The following SNUPN variants were observed in gnomAD, a reference collection of about 807,000 sequenced individuals.
The protein encoded by SNUPN is snurportin 1.
In SNUPN, 31 loss-of-function variants were observed where a neutral mutation model predicts 39.2. The observed-to-expected ratio is 0.79, with a 90% CI of 0.59 to 1.07. The LOEUF (loss-of-function observed/expected upper bound fraction) is 1.07, where lower values mean the gene tolerates loss of function less well. Among genes scored for constraint, SNUPN ranks in the 50% least tolerant of loss-of-function variants. The pLI, the probability that SNUPN is intolerant of heterozygous loss-of-function variation, is 0.00. For synonymous variants in SNUPN, 132 were observed against 159.0 expected (o/e 0.83, Z 1.28); for missense variants, 382 against 434.2 (o/e 0.88, Z 1.07).
chr15:75,609,865 G>T, intron 4 of SNUPN, 25 bp downstream of exon 4: 1 of 1,538,860 alleles, frequency 6.5e-7, no homozygotes, highest in Non-Finnish European at 9.0e-7. Flanking sequence ...AGGCCTACTG[G>T]CATAGGGGGC....
intron 2 of SNUPN, among the ~76,000 whole-genome samples, chr15:75,620,605 A>G (rs1297702318): frequency 6.6e-6 from 1 of 152,126 alleles, no homozygotes; most frequent in East Asian, 1.9e-4. Flanking sequence ...AAGTTCCTAA[A>G]CCACAGAGCT....
Position 75,620,917 on chromosome 15 carries a change from C to T in SNUPN, c.135G>A (p.Arg45=). The change falls in exon 2 of 9, where the codon CGG becomes CGA. Residue 45 remains arginine (R), a synonymous_variant. Coordinates refer to ENST00000308588, the MANE Select transcript of SNUPN (RefSeq NM_005701.4). ...ACGATTTCTGCAGTTCCAGTAACCT[C>T]CGGCGGCGCTCACTCTGCTCCAAGG... ...YSSLEQSERR[R]RLLELQKSKR... The T allele has an allele frequency of 6.2e-7, 1 of 1,613,518 alleles. No homozygotes were observed. Among genetic ancestry groups the T allele is most frequent in the Non-Finnish European group, 8.5e-7 (1 of 1,179,888 alleles).
chr15:75,625,543 C>G (rs1893204589), intron 1 of SNUPN, 123 bp downstream of exon 1: 1 of 152,292 alleles, frequency 6.6e-6, no homozygotes, highest in African/African-American at 2.4e-5. Context: ...CCAGGCCTGG[C>G]TCTATCCCTC....
intron 7 of SNUPN, among the ~76,000 whole-genome samples, chr15:75,602,662 G>A (rs1025843365): frequency 2.0e-5 from 3 of 151,948 alleles, no homozygotes; most frequent in Admixed American, 1.3e-4. Flanking sequence ...CTGGAGTGCA[G>A]TGGCACAATC....
chr15:75,603,944 G>A (rs1041808313), intron 7 of SNUPN, among the ~76,000 whole-genome samples: 6 of 152,080 alleles, frequency 3.9e-5, no homozygotes, highest in Admixed American at 3.3e-4. Flanking sequence ...CTTCCCATCT[G>A]TAAAATGGGA....
chr15:75,601,124 A>G lies in SNUPN; in HGVS notation c.759+14T>C, dbSNP rs759192455. ...ATCATCATGTCAAGGCAATAAAGAC[A>G]ATGGTTTCGTTACCTCAAAAGGGAA... On this transcript the variant is annotated intron_variant, in intron 8 of 8. Transcript: ENST00000308588. 1 of 1,592,370 alleles carries G rather than the reference A, an allele frequency of 6.3e-7. No individual in the cohort carries two copies. The highest frequency in any genetic ancestry group is 8.6e-7 in the Non-Finnish European group (1 of 1,160,302).
chr15:75,606,753 C>A (rs1002536791), intron 6 of SNUPN, among the ~76,000 whole-genome samples: 3 of 152,132 alleles, frequency 2.0e-5, no homozygotes, highest in African/African-American at 7.2e-5. Flanking sequence ...GGAGGCCCTG[C>A]CATTTTCAGG....
Position 75,598,162 on chromosome 15 carries a change from G to A in SNUPN, c.*196C>T, listed in dbSNP as rs573150027. On this transcript the variant is annotated 3_prime_UTR_variant, in exon 9 of 9. Transcript: ENST00000308588. ...CAGTAGGAGCTGCTCAAATCAATCT[G>A]AATGCTACGCAATCTGGGAACCTCC... The A allele has an allele frequency of 1.8e-5, 10 of 560,768 alleles. No individual in the cohort carries two copies. The East Asian group carries it at 2.8e-4, about 16-fold the overall frequency. 34.7% of individuals were successfully genotyped at this position (560,768 alleles called of 1,614,324 possible).
chr15:75,619,299 AG>A (rs1893011431), intron 2 of SNUPN, among the ~76,000 whole-genome samples: 3 of 151,604 alleles, frequency 2.0e-5, no homozygotes, highest in African/African-American at 2.4e-5. Context: ...AAAAAAAAAA[AG>A]CTTTTGTACA....
chr15:75,619,660 T>C (rs991227240), intron 2 of SNUPN, among the ~76,000 whole-genome samples: 11 of 152,030 alleles, frequency 7.2e-5, no homozygotes, highest in African/African-American at 2.7e-4. Flanking sequence ...TTTGGAAGGA[T>C]ACACCAGAAA....
rs1239980888 is a variant in SNUPN at position 75,607,247 on chromosome 15, C to T, written c.569G>A (p.Cys190Tyr). ...ATCATAAAAAGGGTGTCCCCGCCAG[C>T]ACATCACATCCAGAACGTAGTAGGT... ...NQTYYVLDVM[C>Y]WRGHPFYDCQ... is the part of the protein sequence containing the mutation. The change falls in exon 6 of 9, where the codon TGC becomes TAC. Residue 190 changes from cysteine to tyrosine, a missense_variant. Physicochemically the swap from Cys to Tyr is radical, Grantham distance 194. Transcript: ENST00000308588. 2 of 1,613,764 alleles carry T rather than the reference C, an allele frequency of 1.2e-6. No individual in the cohort carries two copies. Among genetic ancestry groups the T allele is most frequent in the East Asian group, 2.2e-5 (1 of 44,876 alleles).
chr15:75,614,681 G>A (rs1444192775), intron 3 of SNUPN, among the ~76,000 whole-genome samples: 28 of 151,998 alleles, frequency 1.8e-4, no homozygotes, highest in Admixed American at 1.6e-3. Flanking sequence ...TTAAATAGTC[G>A]TGATGGTTGC....
rs1161092962 is a variant in SNUPN, at chr15:75,617,501, C to G, written c.210G>C (p.Trp70Cys). Residue 70 changes from tryptophan (W) to cysteine (C), a missense_variant, in exon 3 of 9, where the codon TGG becomes TGC. Physicochemically the swap from Trp to Cys is radical, Grantham distance 215 (BLOSUM62 -2). Transcript: ENST00000308588. Reference sequence around the variant, plus strand: ...TTTCTTCCTCACTCTCCATCCCTGTCCAGTCATCTTCAGCCAGTCTTCTGG... The same window carrying G: ...TTTCTTCCTCACTCTCCATCCCTGTGCAGTCATCTTCAGCCAGTCTTCTGG... The part of the protein sequence containing the change: ...NHARRLAEDD[W>C]TGMESEEENK... The G allele has an allele frequency of 6.2e-7, 1 of 1,614,128 alleles. No homozygotes were observed. Among genetic ancestry groups the G allele is most frequent in the Admixed American group, 1.7e-5 (1 of 60,000 alleles).
At chr15:75,622,970 T>C (rs1893110789) in intron 1 of SNUPN, among the ~76,000 whole-genome samples, 1 of 152,138 alleles carries the variant, frequency 6.6e-6, no homozygotes, top group African/African-American at 2.4e-5. Flanking sequence ...CAAGACCTTG[T>C]CTGTAAAAAG....
chr15:75,598,465 G>T lies in SNUPN; in HGVS notation c.976C>A (p.His326Asn). Residue 326 changes from histidine (H) to asparagine (N), a missense_variant, in exon 9 of 9, where the codon CAC becomes AAC. His to Asn is a moderately conservative substitution (Grantham distance 68, BLOSUM62 1). Coordinates refer to ENST00000308588, the MANE Select transcript of SNUPN (RefSeq NM_005701.4). ...TAGTGCCCATTCTCAGAGGCCTTGTGTGTGAGTTTCTCCTTCATGCCTTCC... is the reference window on the plus strand; with the variant it reads ...TAGTGCCCATTCTCAGAGGCCTTGTTTGTGAGTTTCTCCTTCATGCCTTCC... ...QKEGMKEKLTHKASENGHYEL... is the reference protein window; with the variant it reads ...QKEGMKEKLTNKASENGHYEL... 2 of 1,614,226 alleles carry T rather than the reference G, an allele frequency of 1.2e-6. No homozygotes were observed. The highest frequency in any genetic ancestry group is 1.7e-6 in the Non-Finnish European group (2 of 1,180,044).
chr15:75,623,202 T>C (rs1349897996), intron 1 of SNUPN, among the ~76,000 whole-genome samples: 2 of 152,082 alleles, frequency 1.3e-5, no homozygotes, highest in African/African-American at 4.8e-5. Flanking sequence ...TGGAGCACAA[T>C]GGCACGATCT....
At chr15:75,615,465 T>C (rs983883172) in intron 3 of SNUPN, among the ~76,000 whole-genome samples, 1 of 152,180 alleles carries the variant, frequency 6.6e-6, no homozygotes, top group African/African-American at 2.4e-5. Flanking sequence ...TCCCACTGCC[T>C]GGAATGCCCT....
At chr15:75,624,235 T>A (rs1266904504) in intron 1 of SNUPN, among the ~76,000 whole-genome samples, 1 of 148,852 alleles carries the variant, frequency 6.7e-6, no homozygotes, top group African/African-American at 2.5e-5. Flanking sequence ...CCGATAAAAA[T>A]TTTTAAAAAG....
chr15:75,624,391 G>A, intron 1 of SNUPN, among the ~76,000 whole-genome samples: 1 of 146,804 alleles, frequency 6.8e-6, no homozygotes, highest in Non-Finnish European at 1.5e-5. Flanking sequence ...TGGCGCGGTG[G>A]CTCACGCCTG....
Sources: gnomAD v4.1 joint callset for allele counts (sites outside exome capture counted in the v4.1 genomes callset) on GRCh38, gnomAD v4.1.1 for gene constraint, MANE v1.5 for transcripts, NCBI Gene and HGNC (gene_info 2026-07-23, HGNC 2026-07-21) for gene names.